Variants in GMDS observed in about 807,000 individuals in gnomAD.
GMDS encodes GDP-mannose 4,6-dehydratase.
A neutral mutation model predicts 49.9 loss-of-function variants in GMDS; 20 were observed. That is an observed-to-expected ratio of 0.40 (90% CI 0.28 to 0.58). GMDS has a LOEUF of 0.58. GMDS is among the 20% of genes least tolerant of loss of function. The probability of loss-of-function intolerance (pLI) is 0.42; values close to 1 mark genes in which losing one functional copy is unlikely to be tolerated. For synonymous variants in GMDS, 177 were observed against 178.6 expected (o/e 0.99, Z 0.07); for missense variants, 362 against 481.4 (o/e 0.75, Z 2.32).
chr6:2,149,631 C>T (rs1776747092), intron 1 of GMDS, among the ~76,000 whole-genome samples: 1 of 152,086 alleles, frequency 6.6e-6, no homozygotes, highest in Admixed American at 6.5e-5. Flanking sequence ...TATGCTCTTG[C>T]GTGGATTCAA....
At chr6:1,982,097 G>C (rs979791062) in intron 4 of GMDS, among the ~76,000 whole-genome samples, 5 of 152,074 alleles carry the variant, frequency 3.3e-5, no homozygotes, top group Non-Finnish European at 5.9e-5. Context: ...CTGAGGTCAG[G>C]AGTCCCAAGA....
chr6:2,108,430 T>G (rs1774359977), intron 4 of GMDS, among the ~76,000 whole-genome samples: 1 of 152,132 alleles, frequency 6.6e-6, no homozygotes, highest in Admixed American at 6.5e-5. Context: ...TTATCATTCC[T>G]GATGAGTTAG....
Position 1,726,428 on chromosome 6 carries a change from C to A in GMDS, c.975G>T (p.Arg325=). 1.2e-6 allele frequency: 2 copies of A among 1,611,712 alleles called. No individual in the cohort carries two copies. Among genetic ancestry groups the A allele is most frequent in the Non-Finnish European group, 1.7e-6 (2 of 1,177,766 alleles). Residue 325 remains arginine, a synonymous_variant, in exon 9 of 11, where the codon CGG becomes CGT. Transcript: ENST00000380815. ...AGAGAGTCCTTACCACTTCAGTTGG[C>A]CGGTAGTACTTGAGATCCACAGTCA... ...VHVTVDLKYY[R]PTEVDFLQGD...
At chr6:1,973,244 G>A (rs1219633046) in intron 4 of GMDS, among the ~76,000 whole-genome samples, 1 of 152,012 alleles carries the variant, frequency 6.6e-6, no homozygotes, top group African/African-American at 2.4e-5. Flanking sequence ...AATACACTAA[G>A]GCATTAACAT....
At chr6:1,656,765 A>G (rs1007309397) in intron 9 of GMDS, among the ~76,000 whole-genome samples, 12 of 147,434 alleles carry the variant, frequency 8.1e-5, no homozygotes, top group African/African-American at 3.0e-4. Context: ...CTCTGTCTCA[A>G]AAAAAAAAAA....
chr6:1,900,009 C>T (rs1561874425), intron 7 of GMDS, among the ~76,000 whole-genome samples: 1 of 152,206 alleles, frequency 6.6e-6, no homozygotes, highest in Non-Finnish European at 1.5e-5. Context: ...CACAGGGCAC[C>T]GTGTTGTTAG....
At chr6:1,694,021 C>T (rs1181368633) in intron 9 of GMDS, among the ~76,000 whole-genome samples, 1 of 152,110 alleles carries the variant, frequency 6.6e-6, no homozygotes, top group Non-Finnish European at 1.5e-5. Flanking sequence ...TCTCCAATTC[C>T]AAAGACTGTT....
intron 7 of GMDS, among the ~76,000 whole-genome samples, chr6:1,779,006 G>A (rs1032192162): frequency 1.3e-5 from 2 of 152,112 alleles, no homozygotes; most frequent in Non-Finnish European, 2.9e-5. Flanking sequence ...GCTGATCCCT[G>A]GACCAGTCCT....
intron 7 of GMDS, among the ~76,000 whole-genome samples, chr6:1,925,373 A>G (rs1394258801): frequency 1.3e-5 from 2 of 152,274 alleles, no homozygotes; most frequent in Non-Finnish European, 2.9e-5. Context: ...AATTGGAATC[A>G]GCAACAAGTA....
chr6:1,646,733 T>C (rs557174748), intron 9 of GMDS, among the ~76,000 whole-genome samples: 5 of 152,086 alleles, frequency 3.3e-5, no homozygotes, highest in Non-Finnish European at 5.9e-5. Context: ...TTATTTCCCA[T>C]TTTTTTCCAC....
intron 9 of GMDS, among the ~76,000 whole-genome samples, chr6:1,628,331 A>G (rs1762904503): frequency 6.6e-6 from 1 of 152,220 alleles, no homozygotes; most frequent in East Asian, 1.9e-4. Flanking sequence ...CCATCTAGAT[A>G]ACAACGCAGC....
chr6:2,182,054 C>G (rs1287900262), intron 1 of GMDS, among the ~76,000 whole-genome samples: 1 of 152,198 alleles, frequency 6.6e-6, no homozygotes, highest in South Asian at 2.1e-4. Flanking sequence ...AGTGTACATA[C>G]AAATGATAAG....
chr6:1,850,211 G>A (rs575250873), intron 7 of GMDS, among the ~76,000 whole-genome samples: 10 of 152,220 alleles, frequency 6.6e-5, no homozygotes, highest in African/African-American at 1.2e-4. Flanking sequence ...AGCTGCTATC[G>A]GATGTAAATA....
chr6:1,860,188 TAA>T (rs1377269102), intron 7 of GMDS, among the ~76,000 whole-genome samples: 1 of 152,220 alleles, frequency 6.6e-6, no homozygotes, highest in South Asian at 2.1e-4. Context: ...AGAATACATA[TAA>T]ATGTGATATG....
intron 1 of GMDS, among the ~76,000 whole-genome samples, chr6:2,151,538 C>G (rs544397450): frequency 1.3e-5 from 2 of 152,078 alleles, no homozygotes; most frequent in African/African-American, 4.8e-5. Context: ...AAGGTAAATT[C>G]TTGTAATCAG....
chr6:2,203,155 G>A (rs571136560), intron 1 of GMDS, among the ~76,000 whole-genome samples: 1 of 152,214 alleles, frequency 6.6e-6, no homozygotes, highest in Admixed American at 6.5e-5. Flanking sequence ...ATTAATAAAA[G>A]GCCGATGCTT....
In GMDS at chr6:1,800,687, C is replaced by T. The variant is rs551723470; in HGVS notation, c.772-58101G>A. ...CCATAATGGCCAGGCTGGTCTTGAA[C>T]TCCTGACCTCAGTGATCTGCCTGCC... is the stretch of plus-strand genomic sequence containing the variant. On this transcript the variant is annotated intron_variant, in intron 7 of 10. Coordinates refer to ENST00000380815, the MANE Select transcript of GMDS (RefSeq NM_001500.4). 2.4e-4 allele frequency among the ~76,000 whole-genome samples: 37 copies of T among 151,286 alleles called. 1 individual carries two copies. The East Asian group carries it at 6.6e-3, about 27-fold the overall frequency.
chr6:1,762,242 T>C (rs1432480435), intron 7 of GMDS, among the ~76,000 whole-genome samples: 3 of 152,222 alleles, frequency 2.0e-5, no homozygotes, highest in Non-Finnish European at 2.9e-5. Context: ...AGGTATCGGA[T>C]GTGGTTTTCA....
At chr6:2,177,565 C>T (rs1375457210) in intron 1 of GMDS, among the ~76,000 whole-genome samples, 1 of 152,078 alleles carries the variant, frequency 6.6e-6, no homozygotes, top group African/African-American at 2.4e-5. Context: ...ATATGATTCA[C>T]CACATAAAGA....
Sources: allele counts gnomAD v4.1 joint callset (sites outside exome capture counted in the v4.1 genomes callset), GRCh38; gene constraint gnomAD v4.1.1; transcripts MANE v1.5; gene names NCBI Gene and HGNC (gene_info 2026-07-23, HGNC 2026-07-21).